Variants in SAAL1 observed in about 807,000 individuals in gnomAD.
The protein encoded by SAAL1 is protein SAAL1.
SAAL1 carries 42 observed loss-of-function variants against 59.8 expected under a neutral mutation model. The ratio of observed to expected loss-of-function variants is 0.70; its 90% confidence interval spans 0.55 to 0.91. The LOEUF (loss-of-function observed/expected upper bound fraction) is 0.91. Among genes scored for constraint, SAAL1 ranks in the 40% least tolerant of loss-of-function variants. SAAL1 has a pLI of 0.00. For synonymous variants in SAAL1, 191 were observed against 194.3 expected (o/e 0.98, Z 0.14); for missense variants, 542 against 561.1 (o/e 0.97, Z 0.34).
chr11:18,105,979 G>A lies in SAAL1; in HGVS notation c.63C>T (p.Ala21=), dbSNP rs757078221. 4.4e-6 allele frequency: 7 copies of A among 1,608,600 alleles called. No individual in the cohort carries two copies. Among genetic ancestry groups the A allele is most frequent in the African/African-American group, 1.3e-5 (1 of 74,900 alleles). ...GRDKEEEEEV[A]GGDCIGSTVY... is the part of the protein sequence containing the mutation. ...CCGTGCTCCCTATGCAGTCTCCACC[G>A]GCCACCTCCTCCTCCTCCTCCTTGT... Residue 21 remains alanine (A), a synonymous_variant, in exon 1 of 12, where the codon GCC becomes GCT. Coordinates refer to ENST00000524803, the MANE Select transcript of SAAL1 (RefSeq NM_138421.3).
At chr11:18,090,535 C>T (rs1040047530) in intron 4 of SAAL1, 42 bp from the exon 5 acceptor site, 5 of 1,574,756 alleles carry the variant, frequency 3.2e-6, no homozygotes, top group Middle Eastern at 1.7e-4. Flanking sequence ...TCACTTCTCG[C>T]ATTTAAAATA....
intron 2 of SAAL1, among the ~76,000 whole-genome samples, chr11:18,098,197 G>C (rs1396790325): frequency 6.6e-6 from 1 of 151,958 alleles, no homozygotes; most frequent in Non-Finnish European, 1.5e-5. Context: ...AACACGGTAG[G>C]GGAAAGAAGT....
intron 4 of SAAL1, among the ~76,000 whole-genome samples, chr11:18,091,382 C>T: frequency 6.6e-6 from 1 of 152,166 alleles, no homozygotes. Flanking sequence ...TGATAGAGAA[C>T]ATTAGAGACC....
In SAAL1 at chr11:18,083,583, C is replaced by T. The variant is rs754024181; in HGVS notation, c.1191G>A (p.Lys397=). Residue 397 remains lysine (K), a synonymous_variant, in exon 10 of 12, where the codon AAG becomes AAA. Transcript: ENST00000524803. ...TQDDFHLKIL[K]DILCEFLSNI... ...TAGAAAGAAATTCACATAAAATATC[C>T]TTTAAGATTTTCAAGTGGAAATCAT... 2 of 1,596,314 alleles carry T rather than the reference C, an allele frequency of 1.3e-6. No homozygotes were observed. The highest frequency in any genetic ancestry group is 2.2e-5 in the East Asian group (1 of 44,732).
Position 18,105,936 on chromosome 11 carries a change from G to T in SAAL1, c.106C>A (p.Leu36Ile). ...ATGAGTCCGCTGAGGACGCCGAAGA[G>T]CCAGTGTTTGCTGTAGACCGTGCTC... ...IGSTVYSKHW[L>I]FGVLSGLIQI... Residue 36 changes from leucine to isoleucine, a missense_variant, in exon 1 of 12, where the codon CTC (leucine) becomes ATC (isoleucine). By Grantham distance (5) the Leu-to-Ile change is conservative. Transcript: ENST00000524803. 6.2e-7 allele frequency: 1 copy of T among 1,606,136 alleles called. No homozygotes were observed. The highest frequency in any genetic ancestry group is 8.5e-7 in the Non-Finnish European group (1 of 1,176,860).
chr11:18,092,071 G>C (rs554537426), intron 4 of SAAL1, among the ~76,000 whole-genome samples, 174 bp downstream of exon 4: 95 of 152,258 alleles, frequency 6.2e-4, no homozygotes, highest in African/African-American at 2.2e-3. Context: ...AATCATTTCA[G>C]TATCTCCTGA....
chr11:18,085,650 G>A (rs1428924426), intron 9 of SAAL1, among the ~76,000 whole-genome samples: 2 of 152,102 alleles, frequency 1.3e-5, no homozygotes, highest in Non-Finnish European at 2.9e-5. Flanking sequence ...AGAATGAAGA[G>A]GAATTTGCCT....
chr11:18,080,565 C>T, intron 11 of SAAL1, 74 bp from the exon 12 acceptor site: 3 of 928,988 alleles, frequency 3.2e-6, no homozygotes, highest in Non-Finnish European at 4.9e-6. Flanking sequence ...ATTGCTCTAC[C>T]TGTGGTTTCT....
At chr11:18,082,388 A>C (rs554612407) in intron 10 of SAAL1, among the ~76,000 whole-genome samples, 4 of 152,218 alleles carry the variant, frequency 2.6e-5, no homozygotes, top group Non-Finnish European at 4.4e-5. Context: ...CTGAACTTTG[A>C]CATAAAAATT....
chr11:18,093,063 T>C (rs1295055609), intron 3 of SAAL1, among the ~76,000 whole-genome samples: 1 of 152,198 alleles, frequency 6.6e-6, no homozygotes, highest in Non-Finnish European at 1.5e-5. Flanking sequence ...ACCCAGGATG[T>C]GAATCATTCT....
intron 7 of SAAL1, among the ~76,000 whole-genome samples, chr11:18,087,586 GT>G (rs527513441): frequency 6.2e-4 from 94 of 152,296 alleles, no homozygotes; most frequent in African/African-American, 2.2e-3. Flanking sequence ...TAGTATGAAC[GT>G]TAAGGTCCGC....
At chr11:18,085,469 C>T (rs191923180) in intron 9 of SAAL1, among the ~76,000 whole-genome samples, 2 of 152,038 alleles carry the variant, frequency 1.3e-5, no homozygotes, top group African/African-American at 2.4e-5. Flanking sequence ...AAGAAATATC[C>T]AAGATCCATA....
Position 18,096,774 on chromosome 11 carries a change from TA to T in SAAL1, c.329del (p.Leu110Ter). ...GVLAKSKCPR[L>X]REICVGILGN... ...CTTTAGAAATGTACATACTTACTCT[TA>T]ATCGAGGACACTTGGACTTGGCCAG... On this transcript the variant is annotated frameshift_variant, in exon 3 of 12. Transcript: ENST00000524803. LOFTEE classifies it high-confidence loss of function. The T allele has an allele frequency of 6.7e-7, 1 of 1,499,928 alleles. No homozygotes were observed. The highest frequency in any genetic ancestry group is 9.3e-7 in the Non-Finnish European group (1 of 1,076,884). 92.9% of individuals were successfully genotyped at this position (1,499,928 alleles called of 1,614,324 possible). A position where few individuals can be genotyped will look rare whatever the true frequency, so the allele number is the denominator to read the frequency against.
At chr11:18,103,098 C>G in intron 2 of SAAL1, 135 bp downstream of exon 2, 1 of 646,872 alleles carries the variant, frequency 1.5e-6, no homozygotes, top group Non-Finnish European at 2.8e-6. Flanking sequence ...ATCTCATTCC[C>G]TATATCATAT....
chr11:18,097,038 C>A (rs568801985), intron 2 of SAAL1, among the ~76,000 whole-genome samples, 184 bp from the exon 3 acceptor site: 18 of 152,106 alleles, frequency 1.2e-4, no homozygotes, highest in African/African-American at 4.1e-4. Flanking sequence ...GAGTTCAAGA[C>A]CAGCTGGGCA....
At chr11:18,091,896 G>C (rs1848526969) in intron 4 of SAAL1, among the ~76,000 whole-genome samples, 1 of 152,152 alleles carries the variant, frequency 6.6e-6, no homozygotes, top group Non-Finnish European at 1.5e-5. Flanking sequence ...AGTTTCTGTA[G>C]ACTCCAGCTG....
intron 4 of SAAL1, 137 bp from the exon 5 acceptor site, chr11:18,090,630 G>C (rs1004633206): frequency 9.7e-6 from 9 of 931,768 alleles, no homozygotes; most frequent in Non-Finnish European, 1.2e-5. Context: ...CAAATCTATA[G>C]TTAATAAATA....
rs1037836111 is a variant in SAAL1, at chr11:18,081,680, G to A, written c.1240-177C>T. The A allele has an allele frequency of 2.7e-5, 16 of 585,024 alleles. No individual in the cohort carries two copies. The East Asian group carries it at 3.4e-4, about 12-fold the overall frequency. The allele number at this position is 585,024 out of a possible 1,614,324, so 36.2% of individuals were successfully genotyped here. On this transcript the variant is annotated intron_variant, in intron 10 of 11. Coordinates refer to ENST00000524803, the MANE Select transcript of SAAL1 (RefSeq NM_138421.3). The stretch of plus-strand genomic sequence containing the variant: ...TAACCCAAACATGTTCTCCACTGTC[G>A]TCTTTACTTTAGTGAAGGGCACCAC...
chr11:18,099,287 T>C (rs948340637), intron 2 of SAAL1, among the ~76,000 whole-genome samples: 4 of 152,192 alleles, frequency 2.6e-5, no homozygotes, highest in African/African-American at 9.7e-5. Context: ...ACTATGTTCT[T>C]AACCAGCACA....
Sources: gnomAD v4.1 joint callset for allele counts (sites outside exome capture counted in the v4.1 genomes callset) on GRCh38, gnomAD v4.1.1 for gene constraint, MANE v1.5 for transcripts, NCBI Gene and HGNC (gene_info 2026-07-23, HGNC 2026-07-21) for gene names.